The following CADPS2 variants were observed in gnomAD, a reference collection of about 807,000 sequenced individuals.
CADPS2 encodes calcium dependent secretion activator 2.
In CADPS2, 93 loss-of-function variants were observed where a neutral mutation model predicts 172.5. The observed-to-expected ratio is 0.54, with a 90% CI of 0.46 to 0.64. The LOEUF is 0.64. Ranked by LOEUF, CADPS2 falls within the 30% of genes least tolerant of loss-of-function variation. The probability of loss-of-function intolerance (pLI) is 0.00; values close to 1 mark genes in which losing one functional copy is unlikely to be tolerated. For synonymous variants in CADPS2, 546 were observed against 555.2 expected, an observed-to-expected ratio of 0.98 and a Z score of 0.23; for missense variants, 1,420 against 1,565.9, an observed-to-expected ratio of 0.91 and a Z score of 1.57.
chr7:122,375,968 C>T (rs1217722032), intron 25 of CADPS2, among the ~76,000 whole-genome samples: 2 of 151,578 alleles, frequency 1.3e-5, no homozygotes, highest in Non-Finnish European at 2.9e-5. Flanking sequence ...AAATGGCCAA[C>T]AGGTATACGA....
rs1469052441 is a variant in CADPS2 at position 122,407,441 on chromosome 7, CTT to C, written c.2746+97_2746+98del. On this transcript the variant is annotated intron_variant, in intron 20 of 29. Transcript: ENST00000449022. The stretch of plus-strand genomic sequence containing the variant: ...AACCTAAATGTTACCCATGCGAACT[CTT>C]GTCAGGCCGGTGTGAGGGCACAGTA... 2.1e-5 allele frequency: 28 copies of C among 1,302,962 alleles called. No homozygotes were observed. In the East Asian group the frequency reaches 6.8e-4, roughly 31 times the overall value. The allele number at this position is 1,302,962 out of a possible 1,614,324, so 80.7% of individuals were successfully genotyped here.
intron 9 of CADPS2, among the ~76,000 whole-genome samples, chr7:122,512,489 T>A (rs2060074010): frequency 6.6e-6 from 1 of 152,094 alleles, no homozygotes; most frequent in Non-Finnish European, 1.5e-5. Flanking sequence ...AATTAGTATG[T>A]TCTATGAGCA....
At chr7:122,701,556 G>A (rs571392917) in intron 2 of CADPS2, 9 of 188,260 alleles carry the variant, frequency 4.8e-5, no homozygotes, top group African/African-American at 1.9e-4. Context: ...TAACCTGCAC[G>A]TTGTGCCCAT....
intron 9 of CADPS2, among the ~76,000 whole-genome samples, chr7:122,494,158 A>C (rs2058544586): frequency 6.6e-6 from 1 of 152,200 alleles, no homozygotes; most frequent in Admixed American, 6.5e-5. Flanking sequence ...CTGAAAAAGA[A>C]GACATTTTCC....
Position 122,663,301 on chromosome 7 carries a change from T to G in CADPS2, c.722A>C (p.Glu241Ala). 6.2e-7 allele frequency: 1 copy of G among 1,613,958 alleles called. No homozygotes were observed. Among genetic ancestry groups the G allele is most frequent in the Non-Finnish European group, 8.5e-7 (1 of 1,179,876 alleles). The change falls in exon 3 of 30, where the codon GAA becomes GCA. Residue 241 changes from glutamate (E) to alanine (A), a missense_variant. By Grantham distance (107) the Glu-to-Ala change is moderately radical. Coordinates refer to ENST00000449022, the MANE Select transcript of CADPS2 (RefSeq NM_017954.11). ...AATACCCAGAATCTGCTGAAACATT[T>G]CATAGAGTTGTTCCTTGCTCAGAAT... ...ELILSKEQLYEMFQQILGIKK... is the reference protein window; with the variant it reads ...ELILSKEQLYAMFQQILGIKK...
intron 1 of CADPS2, among the ~76,000 whole-genome samples, chr7:122,876,154 C>T (rs1014545830): frequency 2.0e-5 from 3 of 151,988 alleles, no homozygotes; most frequent in African/African-American, 7.3e-5. Context: ...AACACCATCT[C>T]TACTAAAACA....
intron 1 of CADPS2, among the ~76,000 whole-genome samples, chr7:122,769,239 TA>T (rs2093641515): frequency 6.6e-6 from 1 of 152,184 alleles, no homozygotes; most frequent in African/African-American, 2.4e-5. Context: ...AATTCACAGC[TA>T]AAAATTAGAG....
At chr7:122,847,377 G>A (rs1279927794) in intron 1 of CADPS2, among the ~76,000 whole-genome samples, 9 of 152,194 alleles carry the variant, frequency 5.9e-5, no homozygotes, top group Admixed American at 2.0e-4. Flanking sequence ...GTGAGCCACC[G>A]TGCCCAGCCG....
At chr7:122,843,448 T>C (rs1811135798) in intron 1 of CADPS2, among the ~76,000 whole-genome samples, 1 of 152,174 alleles carries the variant, frequency 6.6e-6, no homozygotes, top group South Asian at 2.1e-4. Flanking sequence ...GTCAAAAAGC[T>C]ATAACCAGCT....
At chr7:122,682,921 A>G (rs2083209470) in intron 2 of CADPS2, among the ~76,000 whole-genome samples, 1 of 152,154 alleles carries the variant, frequency 6.6e-6, no homozygotes, top group Non-Finnish European at 1.5e-5. Context: ...CTCACGAGAG[A>G]GAACATGCAA....
chr7:122,399,659 T>TC (rs2045647900), intron 20 of CADPS2, among the ~76,000 whole-genome samples: 5 of 107,574 alleles, frequency 4.6e-5, no homozygotes, highest in Admixed American at 1.0e-4. Flanking sequence ...AGGGTGGGTT[T>TC]CTTTTTTTTT....
chr7:122,353,784 A>G (rs1392589229), intron 27 of CADPS2, among the ~76,000 whole-genome samples: 1 of 152,152 alleles, frequency 6.6e-6, no homozygotes, highest in Non-Finnish European at 1.5e-5. Context: ...AGCTTTTACT[A>G]TGTCACCTTT....
intron 1 of CADPS2, among the ~76,000 whole-genome samples, chr7:122,749,129 A>C (rs1018959778): frequency 6.6e-6 from 1 of 152,152 alleles, no homozygotes; most frequent in Non-Finnish European, 1.5e-5. Flanking sequence ...AGAAAAAGGG[A>C]GAAAATTCTC....
chr7:122,473,005 G>C (rs2056177847), intron 13 of CADPS2, among the ~76,000 whole-genome samples: 1 of 152,036 alleles, frequency 6.6e-6, no homozygotes, highest in Non-Finnish European at 1.5e-5. Context: ...TCCCAGACCT[G>C]GGAAGCTCCA....
At chr7:122,820,548 TGTTTTTTG>T (rs1802881247) in intron 1 of CADPS2, among the ~76,000 whole-genome samples, 3 of 114,180 alleles carry the variant, frequency 2.6e-5, no homozygotes, top group Admixed American at 8.9e-5. Flanking sequence ...TACTGTTTTT[TGTTTTTTG>T]TTTTTTTTTT....
chr7:122,380,564 C>T (rs1034574431), intron 24 of CADPS2, among the ~76,000 whole-genome samples: 1 of 152,014 alleles, frequency 6.6e-6, no homozygotes. Context: ...GACACTCCAC[C>T]CCTCTCCCCA....
intron 1 of CADPS2, among the ~76,000 whole-genome samples, chr7:122,794,083 T>C (rs572438445): frequency 6.6e-6 from 1 of 152,264 alleles, no homozygotes; most frequent in Non-Finnish European, 1.5e-5. Flanking sequence ...GCCTAGAGAA[T>C]CTGACGATTA....
intron 1 of CADPS2, among the ~76,000 whole-genome samples, chr7:122,753,800 C>T (rs954492252): frequency 6.6e-6 from 1 of 152,132 alleles, no homozygotes; most frequent in African/African-American, 2.4e-5. Context: ...TGGGGACATA[C>T]ACACTTACTC....
At chr7:122,651,852 T>C (rs991056696) in intron 3 of CADPS2, among the ~76,000 whole-genome samples, 7 of 152,106 alleles carry the variant, frequency 4.6e-5, no homozygotes, top group African/African-American at 1.4e-4. Context: ...ATTATAGGAG[T>C]AGATATGGTA....
Sources: gnomAD v4.1 joint callset for allele counts (sites outside exome capture counted in the v4.1 genomes callset) on GRCh38, gnomAD v4.1.1 for gene constraint, MANE v1.5 for transcripts, NCBI Gene and HGNC (gene_info 2026-07-23, HGNC 2026-07-21) for gene names.